Variants in INSL6 observed in about 807,000 individuals in gnomAD.
The protein encoded by INSL6 is insulin like 6, also known as insulin-like peptide INSL6.
In INSL6, 16 loss-of-function variants were observed where a neutral mutation model predicts 9.4. The observed-to-expected ratio is 1.70, with a 90% CI of 1.15 to 2.59. The LOEUF (loss-of-function observed/expected upper bound fraction) is 2.59, where lower values mean the gene tolerates loss of function less well. INSL6 is among the 30% of genes most tolerant of loss of function. The pLI, the probability that INSL6 is intolerant of heterozygous loss-of-function variation, is 0.00. For missense variants in INSL6, 391 were observed against 257.3 expected (o/e 1.52, Z -3.56); for synonymous variants, 154 against 96.9 (o/e 1.59, Z -3.46).
chr9:5,155,535 A>G (rs1017411494), intron 2 of INSL6, among the ~76,000 whole-genome samples: 2 of 151,890 alleles, frequency 1.3e-5, no homozygotes, highest in African/African-American at 4.8e-5. Flanking sequence ...TAAATAAAAA[A>G]AAAAAAGAAA....
chr9:5,049,898 G>A, the INSL6 span, among the ~76,000 whole-genome samples: 2 of 152,128 alleles, frequency 1.3e-5, no homozygotes, highest in Non-Finnish European at 2.9e-5. Context: ...ACAACGGTAA[G>A]TATTTGTGTA....
intron 3 of INSL6, chr9:5,126,360 A>T: frequency 6.2e-7 from 1 of 1,609,530 alleles, no homozygotes; most frequent in Non-Finnish European, 8.5e-7. Flanking sequence ...TGGCAATGAC[A>T]AACAAGGACA....
At position 5,185,590 on chromosome 9, in the gene INSL6, G is replaced by C. The variant is rs779233270; in HGVS notation, c.13C>G (p.Leu5Val). 2 of 1,612,704 alleles carry C rather than the reference G, an allele frequency of 1.2e-6. No individual in the cohort carries two copies. Among genetic ancestry groups the C allele is most frequent in the East Asian group, 2.2e-5 (1 of 44,848 alleles). Reference protein sequence around the residue: MPRLLRLSLLWLGLL... With the variant: MPRLVRLSLLWLGLL... ...CCAAGCCACAGCAGGGACAAGCGGAGGAGCCGCGGCATCCCTGTGACCCCA... is the reference window on the plus strand; with the variant it reads ...CCAAGCCACAGCAGGGACAAGCGGACGAGCCGCGGCATCCCTGTGACCCCA... Residue 5 changes from leucine to valine, a missense_variant, in exon 1 of 2, where the codon CTC (leucine) becomes GTC (valine). Physicochemically the swap from Leu to Val is conservative, Grantham distance 32 (BLOSUM62 1). Transcript: ENST00000381641.
At chr9:5,112,506 C>T in the INSL6 span, 2 of 564,468 alleles carry the variant, frequency 3.5e-6, no homozygotes, top group Non-Finnish European at 3.2e-6. Context: ...AGGAAGATGA[C>T]CTTTTCCCCC....
intron 1 of INSL6, among the ~76,000 whole-genome samples, chr9:5,172,126 T>C (rs1825196193): frequency 6.6e-6 from 1 of 152,138 alleles, no homozygotes. Context: ...ATGGTACTGT[T>C]ACAAAAACAG....
chr9:5,068,243 G>C, the INSL6 span, among the ~76,000 whole-genome samples: 1 of 151,640 alleles, frequency 6.6e-6, no homozygotes, highest in Admixed American at 6.6e-5. Flanking sequence ...GGTATTGGTA[G>C]ATTTTATATA....
the INSL6 span, among the ~76,000 whole-genome samples, chr9:5,039,361 A>G: frequency 2.0e-5 from 3 of 152,144 alleles, no homozygotes; most frequent in Non-Finnish European, 2.9e-5. Flanking sequence ...CGGTATAACA[A>G]CTATTTACAT....
chr9:5,151,508 G>A (rs540573459), intron 2 of INSL6, among the ~76,000 whole-genome samples: 3 of 152,222 alleles, frequency 2.0e-5, no homozygotes, highest in Admixed American at 1.3e-4. Context: ...AAATGGACGG[G>A]GGGTGGGGAT....
the INSL6 span, chr9:5,069,245 C>T: frequency 9.9e-6 from 14 of 1,419,452 alleles, no homozygotes; most frequent in Non-Finnish European, 1.4e-5. Context: ...AATTACTGGT[C>T]ATGGATTGTT....
chr9:5,154,917 C>T (rs1002868147), intron 2 of INSL6, among the ~76,000 whole-genome samples: 2 of 152,046 alleles, frequency 1.3e-5, no homozygotes, highest in South Asian at 2.1e-4. Flanking sequence ...GTCAGTGTGG[C>T]GATTCCTCAG....
At chr9:5,029,031 G>A in the INSL6 span, among the ~76,000 whole-genome samples, 2 of 152,158 alleles carry the variant, frequency 1.3e-5, no homozygotes, top group African/African-American at 4.8e-5. Context: ...TGGTGCAGGA[G>A]GCCTGGCTTT....
chr9:5,170,145 A>G (rs1825145664), intron 1 of INSL6, among the ~76,000 whole-genome samples: 1 of 152,194 alleles, frequency 6.6e-6, no homozygotes, highest in South Asian at 2.1e-4. Flanking sequence ...AAATCATAAC[A>G]AACAGTCTCT....
the INSL6 span, among the ~76,000 whole-genome samples, chr9:4,998,445 C>CGG: frequency 1.2e-4 from 19 of 152,134 alleles, no homozygotes; most frequent in Admixed American, 1.1e-3. Context: ...TTAGTAGAGA[C>CGG]GGGGTTTCAC....
chr9:5,123,421 G>A (rs917632266), downstream of INSL6, among the ~76,000 whole-genome samples: 6 of 151,814 alleles, frequency 4.0e-5, no homozygotes, highest in Non-Finnish European at 5.9e-5. Flanking sequence ...GTCTTTCTAT[G>A]GCTGATTTGT....
chr9:5,149,725 GA>G (rs553246908), intron 2 of INSL6, among the ~76,000 whole-genome samples: 2 of 150,592 alleles, frequency 1.3e-5, no homozygotes, highest in Non-Finnish European at 1.5e-5. Context: ...CACAGAATTA[GA>G]AAAAAAAATC....
At chr9:5,050,561 G>C in the INSL6 span, 1 of 961,672 alleles carries the variant, frequency 1.0e-6, no homozygotes, top group Non-Finnish European at 1.5e-6. Flanking sequence ...ATGAGCCACT[G>C]AGCCTGGCCA....
At chr9:5,001,516 C>A in the INSL6 span, among the ~76,000 whole-genome samples, 1,572 of 152,144 alleles carry the variant, frequency 0.01, 22 homozygotes, top group African/African-American at 0.036. Flanking sequence ...TCAAAGCAAC[C>A]AGTATGACTG....
At chr9:5,175,897 C>T (rs1415712349) in intron 1 of INSL6, among the ~76,000 whole-genome samples, 2 of 152,192 alleles carry the variant, frequency 1.3e-5, no homozygotes, top group African/African-American at 4.8e-5. Flanking sequence ...TTTCATTAAA[C>T]ATTACCATGT....
the INSL6 span, chr9:5,085,339 C>T: frequency 3.4e-6 from 3 of 875,078 alleles, no homozygotes; most frequent in Admixed American, 5.2e-5. Flanking sequence ...AAAAGCTATT[C>T]CTACATTTTT....
Sources: gnomAD v4.1 joint callset for allele counts (sites outside exome capture counted in the v4.1 genomes callset) on GRCh38, gnomAD v4.1.1 for gene constraint, MANE v1.5 for transcripts, NCBI Gene and HGNC (gene_info 2026-07-23, HGNC 2026-07-21) for gene names.